Variants in PHACTR1 observed in about 807,000 individuals in gnomAD.
PHACTR1 encodes RPEL repeat containing 1.
In PHACTR1, 16 loss-of-function variants were observed where a neutral mutation model predicts 69.2. That is an observed-to-expected ratio of 0.23 (90% CI 0.16 to 0.35). The LOEUF (loss-of-function observed/expected upper bound fraction) is 0.35, where lower values mean the gene tolerates loss of function less well. Ranked by LOEUF, PHACTR1 falls within the 10% of genes least tolerant of loss-of-function variation. The pLI is 1.00. For synonymous variants in PHACTR1, 312 were observed against 284.5 expected (o/e 1.10, Z -0.97); for missense variants, 510 against 734.7 (o/e 0.69, Z 3.54).
chr6:13,204,338 T>C (rs1262236124), intron 7 of PHACTR1, among the ~76,000 whole-genome samples: 2 of 152,072 alleles, frequency 1.3e-5, no homozygotes, highest in South Asian at 2.1e-4. Context: ...GAAGAATCTA[T>C]GGCCTCCGAG....
chr6:13,065,302 G>A (rs1444746450), intron 5 of PHACTR1, among the ~76,000 whole-genome samples: 2 of 152,076 alleles, frequency 1.3e-5, no homozygotes, highest in Non-Finnish European at 2.9e-5. Flanking sequence ...CAGCCTGTGA[G>A]TTCTGAACAG....
chr6:12,788,139 C>A (rs1771774688), intron 4 of PHACTR1, among the ~76,000 whole-genome samples: 1 of 148,822 alleles, frequency 6.7e-6, no homozygotes, highest in Non-Finnish European at 1.5e-5. Context: ...GCCTGGGTGA[C>A]AGAATGAGAC....
chr6:13,287,267 G>A lies in PHACTR1; in HGVS notation c.*189G>A, dbSNP rs560153238. On this transcript the variant is annotated 3_prime_UTR_variant, in exon 15 of 15. Transcript: ENST00000332995. ...GAAAACGCAAAAGTGATGGCTCGGC[G>A]GTCCGAGCTGCTGGTCCCACTTCTG... The A allele has an allele frequency of 1.9e-4, 124 of 637,974 alleles. No homozygotes were observed. Among genetic ancestry groups the A allele is most frequent in the African/African-American group, 1.3e-3 (70 of 53,414 alleles). 39.5% of individuals were successfully genotyped at this position (637,974 alleles called of 1,614,324 possible).
intron 10 of PHACTR1, among the ~76,000 whole-genome samples, chr6:13,254,769 G>A (rs1774948150): frequency 6.6e-6 from 1 of 152,140 alleles, no homozygotes; most frequent in African/African-American, 2.4e-5. Context: ...CAAATGAACT[G>A]TACCTGTTTT....
intron 4 of PHACTR1, among the ~76,000 whole-genome samples, chr6:12,853,730 G>A (rs774202172): frequency 4.6e-5 from 7 of 152,214 alleles, no homozygotes; most frequent in Non-Finnish European, 7.3e-5. Context: ...ATCAGATCTT[G>A]TGAGAACTAA....
chr6:12,881,569 C>T (rs1783095374), intron 4 of PHACTR1, among the ~76,000 whole-genome samples: 1 of 152,084 alleles, frequency 6.6e-6, no homozygotes, highest in South Asian at 2.1e-4. Flanking sequence ...AGTGTCACCT[C>T]TTAAGACCCT....
intron 4 of PHACTR1, among the ~76,000 whole-genome samples, chr6:12,789,981 G>T (rs1772054904): frequency 7.5e-6 from 1 of 132,890 alleles, no homozygotes; most frequent in Non-Finnish European, 1.5e-5. Flanking sequence ...TATTCCTTAA[G>T]AATATTTCCA....
At chr6:13,282,899 A>G (rs1007425747) in intron 12 of PHACTR1, among the ~76,000 whole-genome samples, 1 of 91,848 alleles carries the variant, frequency 1.1e-5, no homozygotes, top group African/African-American at 1.3e-4. Context: ...TTATGAAGAT[A>G]GAGACTGTTT....
chr6:12,910,072 C>T lies in PHACTR1; in HGVS notation c.251-143293C>T, dbSNP rs557477996. Among the ~76,000 whole-genome samples, 74 of 152,320 alleles carry T rather than the reference C, an allele frequency of 4.9e-4. No homozygotes were observed. The South Asian group carries it at 0.014, about 28-fold the overall frequency. On this transcript the variant is annotated intron_variant, in intron 4 of 14. Transcript: ENST00000332995. The stretch of plus-strand genomic sequence containing the variant: ...CCTTGGCTCAGCTCCTTTATATGAG[C>T]CCATCTGCTCTTCAATTCTGTGTAG...
chr6:12,816,372 T>TTAAGGTAAA (rs1262997459), intron 4 of PHACTR1, among the ~76,000 whole-genome samples: 2 of 152,216 alleles, frequency 1.3e-5, no homozygotes, highest in African/African-American at 4.8e-5. Flanking sequence ...GTTATTCCCC[T>TTAAGGTAAA]TAGTCTTTTA....
Position 12,756,513 on chromosome 6 carries a change from T to C in PHACTR1, c.250+6723T>C, listed in dbSNP as rs148922064. Among the ~76,000 whole-genome samples, 566 of 152,312 alleles carry C rather than the reference T, an allele frequency of 3.7e-3. 2 individuals carry two copies. The highest frequency in any genetic ancestry group is 6.8e-3 in the South Asian group (33 of 4,824). ...TCAATTTTATGGCCTTGTTGAATGA[T>C]GACAGATTAGCATGACTTTCTACAC... On this transcript the variant is annotated intron_variant, in intron 4 of 14. Coordinates refer to ENST00000332995, the MANE Select transcript of PHACTR1 (RefSeq NM_030948.6).
At chr6:12,968,475 C>T (rs377737977) in intron 4 of PHACTR1, among the ~76,000 whole-genome samples, 37 of 152,216 alleles carry the variant, frequency 2.4e-4, no homozygotes, top group African/African-American at 7.9e-4. Flanking sequence ...ATTGTGCAAC[C>T]ATCACCACCA....
chr6:12,880,370 G>T (rs1782966151), intron 4 of PHACTR1, among the ~76,000 whole-genome samples: 1 of 151,864 alleles, frequency 6.6e-6, no homozygotes, highest in African/African-American at 2.4e-5. Context: ...TAGAACTACA[G>T]GACCTTTGTG....
intron 5 of PHACTR1, among the ~76,000 whole-genome samples, chr6:13,095,782 T>TTTTGCTACA (rs1814134148): frequency 1.3e-5 from 1 of 76,606 alleles, no homozygotes; most frequent in Non-Finnish European, 2.5e-5. Context: ...TTTTTTTTTG[T>TTTTGCTACA]TAGACCAGGC....
chr6:12,840,175 G>A (rs1173467958), intron 4 of PHACTR1, among the ~76,000 whole-genome samples: 3 of 152,116 alleles, frequency 2.0e-5, no homozygotes, highest in Non-Finnish European at 2.9e-5. Context: ...CCTTTGTAGG[G>A]ACTGACTGAT....
At chr6:12,820,329 T>C (rs1476863721) in intron 4 of PHACTR1, among the ~76,000 whole-genome samples, 1 of 152,034 alleles carries the variant, frequency 6.6e-6, no homozygotes, top group Admixed American at 6.6e-5. Flanking sequence ...TACAGGCGCA[T>C]GCCACCACGT....
rs1583534555 is a variant in PHACTR1, at chr6:13,137,965, C to G, written c.416-22239C>G. Among the ~76,000 whole-genome samples the G allele has an allele frequency of 3.9e-5, 6 of 152,328 alleles. No homozygotes were observed. The Middle Eastern group carries it at 0.017, about 432-fold the overall frequency. ...AGTTTCCCCTGAAGGCAGCATGGAA[C>G]AGCAACCATTGTCAAAGAGAAAGAA... On this transcript the variant is annotated intron_variant, in intron 5 of 14. Coordinates refer to ENST00000332995, the MANE Select transcript of PHACTR1 (RefSeq NM_030948.6).
intron 12 of PHACTR1, chr6:13,280,801 T>C: frequency 2.1e-6 from 1 of 468,416 alleles, no homozygotes; most frequent in Non-Finnish European, 3.6e-6. Context: ...GGCCTGACTT[T>C]GGCTGCAAAG....
At chr6:12,920,182 G>A (rs779159123) in intron 4 of PHACTR1, among the ~76,000 whole-genome samples, 3 of 152,130 alleles carry the variant, frequency 2.0e-5, no homozygotes, top group African/African-American at 7.2e-5. Context: ...TAAACTTAAC[G>A]GATGGTGAAC....
Sources: gnomAD v4.1 joint callset for allele counts (sites outside exome capture counted in the v4.1 genomes callset) on GRCh38, gnomAD v4.1.1 for gene constraint, MANE v1.5 for transcripts, NCBI Gene and HGNC (gene_info 2026-07-23, HGNC 2026-07-21) for gene names.